VPS41: variants seen among roughly 807,000 people sequenced by gnomAD.
VPS41 encodes the protein VPS41 subunit of HOPS complex.
Under a neutral mutation model 130.9 loss-of-function variants are expected in VPS41, and 85 were observed. The observed-to-expected ratio is 0.65, with a 90% CI of 0.55 to 0.78. VPS41 has a LOEUF of 0.78. Among genes scored for constraint, VPS41 ranks in the 30% least tolerant of loss-of-function variants. The pLI is 0.00. For synonymous variants in VPS41, 335 were observed against 332.9 expected, an observed-to-expected ratio of 1.01 and a Z score of -0.07; for missense variants, 874 against 1,018.7, an observed-to-expected ratio of 0.86 and a Z score of 1.93.
intron 21 of VPS41, among the ~76,000 whole-genome samples, chr7:38,752,770 T>C (rs1002037555): frequency 2.0e-5 from 3 of 152,170 alleles, no homozygotes; most frequent in Non-Finnish European, 4.4e-5. Context: ...TCCCAGATCA[T>C]AAAAATTATT....
At chr7:38,867,588 C>G (rs1786257846) in intron 3 of VPS41, among the ~76,000 whole-genome samples, 1 of 151,838 alleles carries the variant, frequency 6.6e-6, no homozygotes, top group Non-Finnish European at 1.5e-5. Context: ...AGAAAATCTC[C>G]TGTGGGTAAG....
intron 7 of VPS41, among the ~76,000 whole-genome samples, chr7:38,812,315 T>C (rs1784960418): frequency 6.6e-6 from 1 of 152,150 alleles, no homozygotes; most frequent in Admixed American, 6.5e-5. Context: ...TTTGCAACAG[T>C]GATGCTGGGC....
chr7:38,882,566 TC>T (rs759703570), intron 2 of VPS41, among the ~76,000 whole-genome samples: 5 of 152,208 alleles, frequency 3.3e-5, no homozygotes, highest in Non-Finnish European at 7.3e-5. Context: ...CACTTGGATG[TC>T]TAATTGACAT....
chr7:38,882,392 G>A (rs1326465585), intron 2 of VPS41, among the ~76,000 whole-genome samples: 2 of 152,024 alleles, frequency 1.3e-5, no homozygotes, highest in African/African-American at 4.8e-5. Flanking sequence ...CTAAAATGTG[G>A]TAGCACCCCT....
intron 24 of VPS41, among the ~76,000 whole-genome samples, chr7:38,743,116 T>C (rs1795916443): frequency 1.3e-5 from 2 of 152,150 alleles, no homozygotes; most frequent in South Asian, 4.1e-4. Flanking sequence ...ATGACATTTA[T>C]TCAATTTGCT....
chr7:38,805,120 G>T (rs1242364123), intron 7 of VPS41, among the ~76,000 whole-genome samples: 1 of 152,192 alleles, frequency 6.6e-6, no homozygotes, highest in Non-Finnish European at 1.5e-5. Flanking sequence ...ACTGATGACT[G>T]GTGAAAATCC....
At chr7:38,901,404 T>A (rs953166963) in intron 1 of VPS41, among the ~76,000 whole-genome samples, 5 of 152,214 alleles carry the variant, frequency 3.3e-5, no homozygotes, top group Non-Finnish European at 2.9e-5. Context: ...GGCACCAGCA[T>A]CTGCTTCTGA....
At chr7:38,902,855 G>A (rs1222537003) in intron 1 of VPS41, among the ~76,000 whole-genome samples, 1 of 152,148 alleles carries the variant, frequency 6.6e-6, no homozygotes, top group Admixed American at 6.5e-5. Context: ...TGGTTTTTAC[G>A]TTTCTTCCCG....
At chr7:38,739,483 C>T (rs1285147722) in intron 25 of VPS41, among the ~76,000 whole-genome samples, 1 of 152,090 alleles carries the variant, frequency 6.6e-6, no homozygotes, top group Non-Finnish European at 1.5e-5. Context: ...TTACAGTGAA[C>T]CCTAATAGGT....
rs755082608 is a variant in VPS41, at chr7:38,869,139, A to T, written c.168+7T>A. On this transcript the variant is annotated splice_region_variant and intron_variant, in intron 3 of 28. Coordinates refer to ENST00000310301, the MANE Select transcript of VPS41 (RefSeq NM_014396.4). ...TACAGAAGAATCCTCTGAAAGTGCT[A>T]TCTTACCTTGTCATGGACTGTCATG... 6 of 1,548,722 alleles carry T rather than the reference A, an allele frequency of 3.9e-6. No individual in the cohort carries two copies. Among genetic ancestry groups the T allele is most frequent in the Non-Finnish European group, 5.3e-6 (6 of 1,140,696 alleles).
rs147055764 is a variant in VPS41, at chr7:38,888,125, C to T, written c.60+9966G>A. 1.0e-2 allele frequency among the ~76,000 whole-genome samples: 1,517 copies of T among 152,192 alleles called. 24 individuals carry two copies. Among genetic ancestry groups the T allele is most frequent in the African/African-American group, 0.034 (1,414 of 41,510 alleles). On this transcript the variant is annotated intron_variant, in intron 2 of 28. Transcript: ENST00000310301. ...GCTATGAAAAAACTGTATCAATTAA[C>T]GGGGGAAATAACCAGCTAGCATCAT... is the stretch of plus-strand genomic sequence containing the variant.
intron 25 of VPS41, among the ~76,000 whole-genome samples, chr7:38,739,231 T>G (rs937008668): frequency 2.6e-5 from 4 of 152,180 alleles, no homozygotes; most frequent in African/African-American, 9.6e-5. Context: ...CCCCTGGGGT[T>G]ACTGTCCCAC....
chr7:38,881,408 A>G (rs1786603947), intron 2 of VPS41, among the ~76,000 whole-genome samples: 1 of 152,112 alleles, frequency 6.6e-6, no homozygotes, highest in Admixed American at 6.5e-5. Context: ...TCACTCTCCT[A>G]CAGTCAGCTG....
rs76695575 is a variant in VPS41 at position 38,810,857 on chromosome 7, T to C, written c.450+6960A>G. Among the ~76,000 whole-genome samples, 893 of 152,314 alleles carry C rather than the reference T, an allele frequency of 5.9e-3. 8 individuals carry two copies. Among genetic ancestry groups the C allele is most frequent in the African/African-American group, 0.021 (864 of 41,590 alleles). The stretch of plus-strand genomic sequence containing the variant: ...GATCTTGATATCTATAACATGATTA[T>C]TGCAAGGTTATAACCATTTGCTAAA... On this transcript the variant is annotated intron_variant, in intron 7 of 28. Transcript: ENST00000310301.
At chr7:38,890,116 G>A (rs564844198) in intron 2 of VPS41, among the ~76,000 whole-genome samples, 3 of 152,174 alleles carry the variant, frequency 2.0e-5, no homozygotes, top group Non-Finnish European at 2.9e-5. Context: ...TTCAAGTAAC[G>A]CACAGGAAAG....
intron 2 of VPS41, among the ~76,000 whole-genome samples, chr7:38,889,828 G>A (rs1457052133): frequency 6.6e-6 from 1 of 152,132 alleles, no homozygotes; most frequent in Non-Finnish European, 1.5e-5. Flanking sequence ...TTTCTTAAAT[G>A]ACATTTGATA....
rs115730574 is a variant in VPS41, at chr7:38,880,402, A to G, written c.61-11149T>C. Among the ~76,000 whole-genome samples, 1,513 of 152,282 alleles carry G rather than the reference A, an allele frequency of 9.9e-3. 24 individuals are homozygous for G. Among genetic ancestry groups the G allele is most frequent in the African/African-American group, 0.034 (1,411 of 41,554 alleles). On this transcript the variant is annotated intron_variant, in intron 2 of 28. Coordinates refer to ENST00000310301, the MANE Select transcript of VPS41 (RefSeq NM_014396.4). ...CACACATTTAAGTGTGAATCTTGTT[A>G]TTAGGAATGTAAAAGGAAATGCTAC... is the stretch of plus-strand genomic sequence containing the variant.
intron 4 of VPS41, among the ~76,000 whole-genome samples, chr7:38,833,426 T>A (rs1291008353): frequency 6.6e-6 from 1 of 152,160 alleles, no homozygotes; most frequent in Non-Finnish European, 1.5e-5. Flanking sequence ...GCCTTTGCCC[T>A]CCCTCCAACT....
Position 38,726,838 on chromosome 7 carries a change from AC to A in VPS41, c.2484+70del. The A allele has an allele frequency of 3.7e-6, 5 of 1,340,920 alleles. No homozygotes were observed. In the East Asian group the frequency reaches 1.3e-4, roughly 36 times the overall value. The allele number at this position is 1,340,920 out of a possible 1,614,324, so 83.1% of individuals were successfully genotyped here. ...CATACAGCCATAAGGATGAAGGGTT[AC>A]AGTTTAAAGCACATTCCTCTAAGTG... On this transcript the variant is annotated intron_variant, in intron 28 of 28. Coordinates refer to ENST00000310301, the MANE Select transcript of VPS41 (RefSeq NM_014396.4).
Sources: allele counts gnomAD v4.1 joint callset (sites outside exome capture counted in the v4.1 genomes callset), GRCh38; gene constraint gnomAD v4.1.1; transcripts MANE v1.5; gene names NCBI Gene and HGNC (gene_info 2026-07-23, HGNC 2026-07-21).